Variants in CACNB2 observed in about 807,000 individuals in gnomAD.
CACNB2 encodes the protein calcium voltage-gated channel auxiliary subunit beta 2, also known as voltage-dependent L-type calcium channel subunit beta-2.
In CACNB2, 42 loss-of-function variants were observed where a neutral mutation model predicts 73.3. The observed-to-expected ratio is 0.57, with a 90% confidence interval of 0.45 to 0.74. CACNB2 has a LOEUF of 0.74. Ranked by LOEUF, CACNB2 falls within the 30% of genes least tolerant of loss-of-function variation. The pLI is 0.00. For synonymous variants in CACNB2, 348 were observed against 310.3 expected (o/e 1.12, Z -1.28); for missense variants, 940 against 853.0 (o/e 1.10, Z -1.27).
intron 2 of CACNB2, among the ~76,000 whole-genome samples, chr10:18,374,326 C>G (rs1047926495): frequency 6.6e-6 from 1 of 152,032 alleles, no homozygotes; most frequent in African/African-American, 2.4e-5. Flanking sequence ...TTTCAAAGGC[C>G]GAAGAGAGAG....
chr10:18,335,138 A>AG (rs1467118477), intron 2 of CACNB2, among the ~76,000 whole-genome samples: 1 of 152,120 alleles, frequency 6.6e-6, no homozygotes, highest in Non-Finnish European at 1.5e-5. Flanking sequence ...GTAAAAAAAA[A>AG]AAAAATACCG....
intron 2 of CACNB2, among the ~76,000 whole-genome samples, chr10:18,216,675 G>A (rs2035525519): frequency 6.6e-6 from 1 of 152,196 alleles, no homozygotes; most frequent in Non-Finnish European, 1.5e-5. Flanking sequence ...ACTGGAGAGA[G>A]GAAGGCCAGA....
At chr10:18,291,745 A>T (rs2039077946) in intron 2 of CACNB2, among the ~76,000 whole-genome samples, 1 of 152,204 alleles carries the variant, frequency 6.6e-6, no homozygotes, top group African/African-American at 2.4e-5. Context: ...CTAAGGGCAA[A>T]AATGTCTCCT....
At chr10:18,305,126 T>C (rs1453463652) in intron 2 of CACNB2, among the ~76,000 whole-genome samples, 2 of 152,230 alleles carry the variant, frequency 1.3e-5, no homozygotes. Flanking sequence ...TTCTCCCCTG[T>C]GGGAACTTCA....
At chr10:18,381,688 C>CAAAAAAAAAAAA in intron 2 of CACNB2, among the ~76,000 whole-genome samples, 1 of 78,532 alleles carries the variant, frequency 1.3e-5, no homozygotes, top group Non-Finnish European at 2.6e-5. Context: ...GACTCCGTCT[C>CAAAAAAAAAAAA]AAAAAAAAAA....
chr10:18,272,806 T>C (rs2038113184), intron 2 of CACNB2, among the ~76,000 whole-genome samples: 1 of 152,210 alleles, frequency 6.6e-6, no homozygotes, highest in Non-Finnish European at 1.5e-5. Context: ...TAAACCTCTT[T>C]CTTTTATAAA....
chr10:18,203,106 G>T (rs2034952305), intron 2 of CACNB2, among the ~76,000 whole-genome samples: 1 of 152,142 alleles, frequency 6.6e-6, no homozygotes, highest in African/African-American at 2.4e-5. Flanking sequence ...TACCTCATGG[G>T]TACAAAAGAG....
chr10:18,535,943 T>G (rs916472570), intron 11 of CACNB2, among the ~76,000 whole-genome samples, 158 bp from the exon 12 acceptor site: 8 of 152,134 alleles, frequency 5.3e-5, no homozygotes, highest in African/African-American at 1.9e-4. Flanking sequence ...CTGTGATTTA[T>G]GTTAACATGT....
At chr10:18,456,630 C>T (rs2047297165) in intron 3 of CACNB2, among the ~76,000 whole-genome samples, 1 of 152,166 alleles carries the variant, frequency 6.6e-6, no homozygotes, top group Non-Finnish European at 1.5e-5. Flanking sequence ...TGGGTGGGGT[C>T]ACAGATCCAA....
chr10:18,388,441 G>A (rs928767849), intron 2 of CACNB2, among the ~76,000 whole-genome samples: 109 of 152,248 alleles, frequency 7.2e-4, no homozygotes, highest in Middle Eastern at 6.8e-3. Flanking sequence ...TGCTGCTTAA[G>A]GGATACATTA....
intron 3 of CACNB2, among the ~76,000 whole-genome samples, chr10:18,449,965 C>T (rs1438835567): frequency 6.6e-6 from 1 of 152,234 alleles, no homozygotes; most frequent in Non-Finnish European, 1.5e-5. Context: ...CCCATTCTCA[C>T]CAGCGTGGAA....
intron 12 of CACNB2, 138 bp from the exon 13 acceptor site, chr10:18,538,041 GA>G (rs1333777700): frequency 5.0e-6 from 4 of 799,376 alleles, no homozygotes; most frequent in Non-Finnish European, 8.7e-6. Flanking sequence ...AATAAAAAGG[GA>G]GATAGTAGCA....
intron 2 of CACNB2, among the ~76,000 whole-genome samples, chr10:18,382,313 G>A (rs1259372276): frequency 6.6e-6 from 1 of 151,988 alleles, no homozygotes; most frequent in East Asian, 1.9e-4. Flanking sequence ...TCTCTGCTTA[G>A]ACAGTTGTAT....
chr10:18,392,473 G>A (rs1329354392), intron 2 of CACNB2, among the ~76,000 whole-genome samples: 1 of 152,150 alleles, frequency 6.6e-6, no homozygotes, highest in Non-Finnish European at 1.5e-5. Context: ...GGAATAGGAG[G>A]AAGTATATTT....
chr10:18,307,982 A>ATTTTT (rs1564423318), intron 2 of CACNB2, among the ~76,000 whole-genome samples: 2 of 52,668 alleles, frequency 3.8e-5, no homozygotes, highest in African/African-American at 1.8e-4. Flanking sequence ...ATATATGCCA[A>ATTTTT]CTTTTTTTTT....
At chr10:18,388,616 A>G (rs550668695) in intron 2 of CACNB2, among the ~76,000 whole-genome samples, 1 of 152,294 alleles carries the variant, frequency 6.6e-6, no homozygotes, top group East Asian at 1.9e-4. Context: ...TTAGAACAGT[A>G]TATTAATATT....
chr10:18,406,659 G>C (rs1203923030), intron 3 of CACNB2, among the ~76,000 whole-genome samples: 1 of 152,160 alleles, frequency 6.6e-6, no homozygotes, highest in Admixed American at 6.5e-5. Context: ...CTACATGATT[G>C]TAAGTTGTAT....
At chr10:18,504,228 C>G (rs1416803204) in intron 5 of CACNB2, among the ~76,000 whole-genome samples, 1 of 152,146 alleles carries the variant, frequency 6.6e-6, no homozygotes, top group African/African-American at 2.4e-5. Flanking sequence ...GATGAGAAAA[C>G]AGGTTAAGAG....
intron 2 of CACNB2, among the ~76,000 whole-genome samples, chr10:18,249,398 A>T (rs2036997360): frequency 6.6e-6 from 1 of 150,408 alleles, no homozygotes; most frequent in Admixed American, 6.6e-5. Flanking sequence ...AAGAAAAAAA[A>T]ATGTCTTATT....
Sources: gnomAD v4.1 joint callset for allele counts (sites outside exome capture counted in the v4.1 genomes callset) on GRCh38, gnomAD v4.1.1 for gene constraint, MANE v1.5 for transcripts, NCBI Gene and HGNC (gene_info 2026-07-23, HGNC 2026-07-21) for gene names.